RYK: variants seen among roughly 807,000 people sequenced by gnomAD.
The protein encoded by RYK is receptor like tyrosine kinase.
In RYK, 21 loss-of-function variants were observed where a neutral mutation model predicts 70.2. The ratio of observed to expected loss-of-function variants is 0.30; its 90% confidence interval spans 0.21 to 0.43. The LOEUF is 0.43. RYK is among the 20% of genes least tolerant of loss of function. The pLI is 1.00. For synonymous variants in RYK, 267 were observed against 278.0 expected (o/e 0.96, Z 0.39); for missense variants, 604 against 753.3 (o/e 0.80, Z 2.32).
intron 5 of RYK, among the ~76,000 whole-genome samples, chr3:134,206,229 TAGGC>T (rs1360015432): frequency 2.0e-5 from 3 of 152,156 alleles, no homozygotes; most frequent in Admixed American, 2.0e-4. Context: ...AAAGACAAAA[TAGGC>T]AGCACAGAGT....
chr3:134,184,846 T>C (rs2013411332), intron 9 of RYK, among the ~76,000 whole-genome samples: 1 of 151,042 alleles, frequency 6.6e-6, no homozygotes. Context: ...AACTTAACAG[T>C]ATATTCTTAA....
At chr3:134,185,906 AT>A (rs1330523592) in intron 9 of RYK, among the ~76,000 whole-genome samples, 1 of 152,194 alleles carries the variant, frequency 6.6e-6, no homozygotes, top group East Asian at 1.9e-4. Context: ...AGAAAACTCA[AT>A]TAAAGATAAA....
At chr3:134,220,967 C>T (rs898196850) in intron 2 of RYK, among the ~76,000 whole-genome samples, 1 of 151,994 alleles carries the variant, frequency 6.6e-6, no homozygotes, top group Admixed American at 6.6e-5. Flanking sequence ...AGCAATATAG[C>T]ATACATCCAT....
intron 13 of RYK, among the ~76,000 whole-genome samples, chr3:134,167,328 C>G (rs966540260): frequency 6.6e-6 from 1 of 152,156 alleles, no homozygotes; most frequent in Admixed American, 6.5e-5. Flanking sequence ...AGGTATCATG[C>G]TACCTGACTT....
chr3:134,169,377 C>G (rs2012813159), intron 13 of RYK, among the ~76,000 whole-genome samples: 1 of 152,052 alleles, frequency 6.6e-6, no homozygotes, highest in African/African-American at 2.4e-5. Flanking sequence ...AAATCAAGAA[C>G]TCTATTTTCA....
intron 1 of RYK, among the ~76,000 whole-genome samples, chr3:134,238,450 T>C (rs2015243635): frequency 6.6e-6 from 1 of 152,164 alleles, no homozygotes; most frequent in East Asian, 1.9e-4. Context: ...AACATAAATA[T>C]ACCCCTTCTT....
At chr3:134,209,030 T>A (rs1203797473) in intron 4 of RYK, among the ~76,000 whole-genome samples, 1 of 152,152 alleles carries the variant, frequency 6.6e-6, no homozygotes, top group African/African-American at 2.4e-5. Flanking sequence ...ACTAAACTTG[T>A]AAGGAGAACT....
chr3:134,176,022 G>C lies in RYK; in HGVS notation c.1323C>G (p.Asp441Glu), dbSNP rs773940787. The C allele has an allele frequency of 6.3e-7, 1 of 1,598,702 alleles. No individual in the cohort carries two copies. The highest frequency in any genetic ancestry group is 8.5e-7 in the Non-Finnish European group (1 of 1,171,696). ...CAATCTGAATAGCCATGTGTACCAG[G>C]TCTTGCTGAGAAATTGCCTGTGGTA... ...ANNPQAISQQ[D>E]LVHMAIQIAC... Residue 441 changes from aspartate (D) to glutamate (E), a missense_variant, in exon 12 of 15, where the codon GAC becomes GAG. By Grantham distance (45) the Asp-to-Glu change is conservative. Transcript: ENST00000623711.
chr3:134,195,250 A>T (rs1030642033), intron 6 of RYK, 68 bp from the exon 7 acceptor site: 15 of 1,131,114 alleles, frequency 1.3e-5, no homozygotes, highest in Non-Finnish European at 2.0e-5. Context: ...TTTTCCATAC[A>T]TACAAAATGC....
At chr3:134,188,700 T>A in intron 9 of RYK, 137 bp downstream of exon 9, 1 of 569,412 alleles carries the variant, frequency 1.8e-6, no homozygotes, top group Non-Finnish European at 3.1e-6. Flanking sequence ...TATAAGACAA[T>A]TTTTGTTTTC....
At chr3:134,226,539 A>G (rs2014915777) in intron 1 of RYK, among the ~76,000 whole-genome samples, 1 of 152,150 alleles carries the variant, frequency 6.6e-6, no homozygotes, top group Admixed American at 6.5e-5. Context: ...ACTAAAACAT[A>G]ATGAGAAAAG....
intron 10 of RYK, among the ~76,000 whole-genome samples, chr3:134,182,776 T>C (rs1272607271): frequency 6.6e-6 from 1 of 152,250 alleles, no homozygotes; most frequent in Admixed American, 6.5e-5. Context: ...TTAGCTATGA[T>C]TATCCAGATG....
At chr3:134,227,782 G>A (rs893174015) in intron 1 of RYK, among the ~76,000 whole-genome samples, 2 of 152,084 alleles carry the variant, frequency 1.3e-5, no homozygotes, top group East Asian at 1.9e-4. Flanking sequence ...CCATTCTCCC[G>A]CCTCAGCCTC....
At chr3:134,218,030 A>G (rs1282807655) in intron 2 of RYK, among the ~76,000 whole-genome samples, 1 of 152,154 alleles carries the variant, frequency 6.6e-6, no homozygotes, top group Non-Finnish European at 1.5e-5. Context: ...CTTTCCTCTA[A>G]ATTTTATACC....
chr3:134,191,801 G>A (rs1380848759), intron 8 of RYK, 48 bp downstream of exon 8: 2 of 1,492,854 alleles, frequency 1.3e-6, no homozygotes, highest in African/African-American at 2.8e-5. Context: ...TGTCTATAGT[G>A]GTAACATTAA....
At chr3:134,194,950 G>A (rs906922713) in intron 7 of RYK, 132 bp downstream of exon 7, 1 of 619,212 alleles carries the variant, frequency 1.6e-6, no homozygotes, top group Admixed American at 3.2e-5. Context: ...AAGTTGAAGA[G>A]CATACCTAAT....
intron 6 of RYK, among the ~76,000 whole-genome samples, chr3:134,199,910 T>G (rs983781186): frequency 9.8e-5 from 10 of 102,066 alleles, no homozygotes; most frequent in African/African-American, 3.4e-4. Flanking sequence ...CAGTGGTCTG[T>G]GTCTAGCTAA....
At position 134,157,934 on chromosome 3, in the gene RYK, A is replaced by C. The variant is rs2012306600; in HGVS notation, c.*219T>G. 2.7e-6 allele frequency: 1 copy of C among 373,782 alleles called. No individual in the cohort carries two copies. The highest frequency in any genetic ancestry group is 4.7e-6 in the Non-Finnish European group (1 of 211,686). 23.2% of individuals were successfully genotyped at this position (373,782 alleles called of 1,614,324 possible). The stretch of plus-strand genomic sequence containing the variant: ...AATTTTGGCCAAAAAATTTACAAAA[A>C]CCCTTTCAGTTCAACCTAATAAAAG... On this transcript the variant is annotated 3_prime_UTR_variant, in exon 15 of 15. Transcript: ENST00000623711.
chr3:134,217,089 G>A (rs555821686), intron 2 of RYK, among the ~76,000 whole-genome samples: 1 of 152,260 alleles, frequency 6.6e-6, no homozygotes, highest in East Asian at 1.9e-4. Context: ...AATCTGTGTG[G>A]CAAGACAAAA....
Sources: allele counts gnomAD v4.1 joint callset (sites outside exome capture counted in the v4.1 genomes callset), GRCh38; gene constraint gnomAD v4.1.1; transcripts MANE v1.5; gene names NCBI Gene and HGNC (gene_info 2026-07-23, HGNC 2026-07-21).